The following TENM2 variants were observed in gnomAD, a reference collection of about 807,000 sequenced individuals.
TENM2 encodes teneurin transmembrane protein 2.
In TENM2, 52 loss-of-function variants were observed where a neutral mutation model predicts 245.2. The observed-to-expected ratio is 0.21, with a 90% confidence interval of 0.17 to 0.27. The LOEUF (loss-of-function observed/expected upper bound fraction) is 0.27. TENM2 is among the 10% of genes least tolerant of loss of function. The probability of loss-of-function intolerance (pLI) is 1.00; values close to 1 mark genes in which losing one functional copy is unlikely to be tolerated. For synonymous variants in TENM2, 1,363 were observed against 1,438.9 expected, an observed-to-expected ratio of 0.95 and a Z score of 1.19; for missense variants, 3,046 against 3,666.8, an observed-to-expected ratio of 0.83 and a Z score of 4.37.
intron 3 of TENM2, among the ~76,000 whole-genome samples, chr5:167,925,636 C>T (rs1307328206): frequency 6.6e-6 from 1 of 152,172 alleles, no homozygotes; most frequent in Non-Finnish European, 1.5e-5. Flanking sequence ...ATCATTTTAT[C>T]ATAAAGAGGC....
intron 1 of TENM2, among the ~76,000 whole-genome samples, chr5:167,310,474 TAAAAAA>T (rs892298804): frequency 6.6e-6 from 1 of 151,826 alleles, no homozygotes; most frequent in East Asian, 1.9e-4. Context: ...TTTCAAAAAA[TAAAAAA>T]AGAAAAAAGC....
intron 2 of TENM2, among the ~76,000 whole-genome samples, chr5:167,504,960 G>A (rs1303738161): frequency 2.6e-5 from 4 of 152,042 alleles, no homozygotes; most frequent in Admixed American, 2.6e-4. Flanking sequence ...TCAAAAAGCT[G>A]GGGAGAAGCA....
At chr5:167,800,708 T>C (rs1765646240) in intron 2 of TENM2, among the ~76,000 whole-genome samples, 1 of 152,176 alleles carries the variant, frequency 6.6e-6, no homozygotes, top group Non-Finnish European at 1.5e-5. Flanking sequence ...TGCCAAGGGC[T>C]GCTGTCTTTA....
the TENM2 span, among the ~76,000 whole-genome samples, chr5:167,222,622 T>C: frequency 6.6e-6 from 1 of 152,208 alleles, no homozygotes; most frequent in Non-Finnish European, 1.5e-5. Flanking sequence ...TTATGGACAC[T>C]GTACAGCACC....
the TENM2 span, among the ~76,000 whole-genome samples, chr5:167,229,353 G>A: frequency 1.3e-5 from 2 of 152,206 alleles, no homozygotes; most frequent in East Asian, 1.9e-4. Flanking sequence ...CCAATTCTTG[G>A]TCCTCTAGAT....
chr5:167,863,498 G>T (rs1972621), intron 2 of TENM2, among the ~76,000 whole-genome samples: 3,023 of 151,158 alleles, frequency 0.02, 85 homozygotes, highest in African/African-American at 0.069. Context: ...CACAAAATTA[G>T]CCAGGCGTGG....
the TENM2 span, among the ~76,000 whole-genome samples, chr5:167,232,215 A>G: frequency 1.3e-5 from 2 of 152,242 alleles, no homozygotes; most frequent in East Asian, 3.9e-4. Flanking sequence ...CCACTGGGGC[A>G]CTGCCTAGTG....
chr5:167,017,488 G>A, the TENM2 span, among the ~76,000 whole-genome samples: 2 of 152,170 alleles, frequency 1.3e-5, no homozygotes, highest in African/African-American at 2.4e-5. Context: ...TAGACAATAT[G>A]TAAACAGATG....
chr5:167,861,485 C>G (rs1376816479), intron 2 of TENM2, among the ~76,000 whole-genome samples: 1 of 152,200 alleles, frequency 6.6e-6, no homozygotes, highest in African/African-American at 2.4e-5. Flanking sequence ...AGCCTTACAT[C>G]GTCACATGCG....
rs62388769 is a variant in TENM2, at chr5:167,310,902, A to C, written c.226+25839A>C. Reference sequence around the variant, plus strand: ...TAATGGTTATGCTGGGACCTAAATGAACCTGCAACAGCTAGGGACTTAGTA... The same window carrying C: ...TAATGGTTATGCTGGGACCTAAATGCACCTGCAACAGCTAGGGACTTAGTA... On this transcript the variant is annotated intron_variant, in intron 1 of 28. Transcript: ENST00000518659. Among the ~76,000 whole-genome samples, 1,276 of 152,362 alleles carry C rather than the reference A, an allele frequency of 8.4e-3. 9 individuals are homozygous for C. Among genetic ancestry groups the C allele is most frequent in the Middle Eastern group, 0.031 (9 of 294 alleles).
rs921727553 is a variant in TENM2 at position 167,456,586 on chromosome 5, G to A, written c.502+81113G>A. On this transcript the variant is annotated intron_variant, in intron 2 of 28. Transcript: ENST00000518659. ...CAGACAAAATGTAGACTAGCTAGAG[G>A]TAACTGTGCTTCAAAGAATTTATCC... is the stretch of plus-strand genomic sequence containing the variant. Among the ~76,000 whole-genome samples, 30 of 152,126 alleles carry A rather than the reference G, an allele frequency of 2.0e-4. 1 individual carries two copies. The highest frequency in any genetic ancestry group is 6.5e-4 in the African/African-American group (27 of 41,412).
chr5:168,061,613 T>G (rs1005939974), intron 6 of TENM2, among the ~76,000 whole-genome samples: 1 of 152,174 alleles, frequency 6.6e-6, no homozygotes, highest in Non-Finnish European at 1.5e-5. Context: ...TTTTATTTAT[T>G]CTGGGCTGAT....
At position 168,117,733 on chromosome 5, in the gene TENM2, C is replaced by G. The variant is rs571270835; in HGVS notation, c.1814-559C>G. Among the ~76,000 whole-genome samples the G allele has an allele frequency of 6.6e-5, 10 of 152,302 alleles. No individual in the cohort carries two copies. In the South Asian group the frequency reaches 2.1e-3, roughly 32 times the overall value. ...GAGACTTTCAGTGGCTCAGCTGTGT[C>G]TCATCCCCACTTCCTTTTTAATAGG... On this transcript the variant is annotated intron_variant, in intron 9 of 28. Transcript: ENST00000518659.
At chr5:167,068,139 C>A in the TENM2 span, among the ~76,000 whole-genome samples, 2 of 152,194 alleles carry the variant, frequency 1.3e-5, no homozygotes, top group African/African-American at 4.8e-5. Flanking sequence ...TCGAATTTAA[C>A]AGCATCACCG....
intron 12 of TENM2, among the ~76,000 whole-genome samples, chr5:168,153,918 G>A (rs763239970): frequency 9.9e-5 from 15 of 152,042 alleles, no homozygotes; most frequent in African/African-American, 2.9e-4. Context: ...GTTGGGGTGC[G>A]TTTTAGCAAC....
chr5:168,098,255 C>T, intron 9 of TENM2, 128 bp downstream of exon 11: 1 of 687,836 alleles, frequency 1.5e-6, no homozygotes, highest in Non-Finnish European at 2.6e-6. Flanking sequence ...CAAGCCCATG[C>T]ATGCCAGAAG....
chr5:167,803,262 G>A (rs1457129701), intron 2 of TENM2, among the ~76,000 whole-genome samples: 1 of 152,144 alleles, frequency 6.6e-6, no homozygotes, highest in South Asian at 2.1e-4. Flanking sequence ...AATTCCACCA[G>A]TCAAGGTTTC....
At chr5:167,363,498 G>A (rs187271996) in intron 1 of TENM2, among the ~76,000 whole-genome samples, 12 of 152,050 alleles carry the variant, frequency 7.9e-5, no homozygotes, top group Non-Finnish European at 1.5e-4. Flanking sequence ...TTGGGAGGTC[G>A]AGGCAGGCGG....
At chr5:167,596,277 G>A (rs1056565879) in intron 2 of TENM2, among the ~76,000 whole-genome samples, 10 of 152,104 alleles carry the variant, frequency 6.6e-5, no homozygotes, top group Admixed American at 2.0e-4. Context: ...CAGAGGCCCC[G>A]AAAGCCTGAA....
Sources: gnomAD v4.1 joint callset for allele counts (sites outside exome capture counted in the v4.1 genomes callset) on GRCh38, gnomAD v4.1.1 for gene constraint, MANE v1.5 for transcripts, NCBI Gene and HGNC (gene_info 2026-07-23, HGNC 2026-07-21) for gene names.